PDE8B: variants seen among roughly 807,000 people sequenced by gnomAD.
PDE8B encodes the protein high affinity cAMP-specific and IBMX-insensitive 3',5'-cyclic phosphodiesterase 8B.
In PDE8B, 26 loss-of-function variants were observed where a neutral mutation model predicts 101.3. The observed-to-expected ratio is 0.26, with a 90% CI of 0.19 to 0.36. The LOEUF (loss-of-function observed/expected upper bound fraction) is 0.36, where lower values mean the gene tolerates loss of function less well. Among genes scored for constraint, PDE8B ranks in the 10% least tolerant of loss-of-function variants. The pLI, the probability that PDE8B is intolerant of heterozygous loss-of-function variation, is 1.00. For synonymous variants in PDE8B, 424 were observed against 429.3 expected (o/e 0.99, Z 0.15); for missense variants, 810 against 1,163.1 (o/e 0.70, Z 4.42).
chr5:77,193,555 G>A, the PDE8B span, among the ~76,000 whole-genome samples: 30 of 152,034 alleles, frequency 2.0e-4, no homozygotes, highest in Admixed American at 4.6e-4. Flanking sequence ...TGCCAATACC[G>A]CTCTGTATTG....
intron 1 of PDE8B, among the ~76,000 whole-genome samples, chr5:77,236,794 A>G (rs1049240232): frequency 1.3e-5 from 2 of 152,204 alleles, no homozygotes; most frequent in East Asian, 1.9e-4. Context: ...TATAATGTCA[A>G]TTTAGTTCAG....
At chr5:77,202,505 A>C in the PDE8B span, among the ~76,000 whole-genome samples, 4 of 152,212 alleles carry the variant, frequency 2.6e-5, no homozygotes, top group Admixed American at 2.0e-4. Flanking sequence ...GTTTTTCTTA[A>C]TAACATTTTC....
intron 10 of PDE8B, among the ~76,000 whole-genome samples, chr5:77,393,319 G>A (rs552359158): frequency 3.2e-4 from 49 of 151,930 alleles, no homozygotes; most frequent in Admixed American, 1.9e-3. Flanking sequence ...GTTTGGACCC[G>A]GGAGGCAGAA....
chr5:77,423,595 A>G (rs1221215180), intron 20 of PDE8B, among the ~76,000 whole-genome samples: 1 of 136,214 alleles, frequency 7.3e-6, no homozygotes, highest in Non-Finnish European at 1.6e-5. Flanking sequence ...TTTGATTTGC[A>G]TGTCTGATTA....
At chr5:77,175,368 C>T in the PDE8B span, among the ~76,000 whole-genome samples, 1 of 152,206 alleles carries the variant, frequency 6.6e-6, no homozygotes, top group Non-Finnish European at 1.5e-5. Flanking sequence ...TTGTCACTTC[C>T]TTGAACTCAC....
chr5:77,132,526 T>G, the PDE8B span, among the ~76,000 whole-genome samples: 2 of 152,222 alleles, frequency 1.3e-5, no homozygotes, highest in Non-Finnish European at 2.9e-5. Context: ...TTGCTTAGTT[T>G]TCCATTTTAC....
At chr5:77,248,944 A>G (rs1580566823) in intron 1 of PDE8B, among the ~76,000 whole-genome samples, 1 of 152,206 alleles carries the variant, frequency 6.6e-6, no homozygotes, top group South Asian at 2.1e-4. Context: ...GTAAGCCAGC[A>G]AGAGAGCCCT....
rs1798478485 is a variant in PDE8B at position 77,428,178 on chromosome 5, TA to T, written c.*1627del. Reference sequence around the variant, plus strand: ...AATGTTTTTGTGAAGTACTTGTAACTAAATTCCTACAGCCATTTTTCACTCC... The same window carrying T: ...AATGTTTTTGTGAAGTACTTGTAACTAATTCCTACAGCCATTTTTCACTCC... On this transcript the variant is annotated 3_prime_UTR_variant, in exon 22 of 22. Transcript: ENST00000264917. 1 of 152,250 alleles carries T rather than the reference TA, an allele frequency of 6.6e-6. No individual in the cohort carries two copies. The highest frequency in any genetic ancestry group is 1.9e-4 in the East Asian group (1 of 5,208). 9.4% of individuals were successfully genotyped at this position (152,250 alleles called of 1,614,324 possible).
At chr5:77,351,007 G>T in intron 8 of PDE8B, 58 bp from the exon 9 acceptor site, 1 of 1,234,966 alleles carries the variant, frequency 8.1e-7, no homozygotes, top group Non-Finnish European at 1.2e-6. Context: ...GAGACCCTCT[G>T]CAGGAGCAGC....
intron 1 of PDE8B, among the ~76,000 whole-genome samples, chr5:77,256,134 C>T (rs1759121105): frequency 6.6e-6 from 1 of 152,080 alleles, no homozygotes; most frequent in Non-Finnish European, 1.5e-5. Context: ...AACTTTTTTC[C>T]AAACTGTAAA....
At chr5:77,303,441 A>T (rs367545664) in intron 1 of PDE8B, among the ~76,000 whole-genome samples, 4 of 152,224 alleles carry the variant, frequency 2.6e-5, no homozygotes, top group Middle Eastern at 3.4e-3. Context: ...ACAAAAAATT[A>T]GCCTGTAATC....
intron 10 of PDE8B, among the ~76,000 whole-genome samples, chr5:77,386,065 G>A (rs1413276253): frequency 6.6e-6 from 1 of 152,186 alleles, no homozygotes; most frequent in Non-Finnish European, 1.5e-5. Context: ...GGGATTACAG[G>A]CATGAGCCAC....
At chr5:77,373,092 C>T (rs1401890663) in intron 10 of PDE8B, among the ~76,000 whole-genome samples, 1 of 151,414 alleles carries the variant, frequency 6.6e-6, no homozygotes, top group East Asian at 1.9e-4. Context: ...TTTGTGTCCT[C>T]TCTCTTTTTT....
chr5:77,339,911 ATAACT>A (rs970875705), intron 6 of PDE8B, among the ~76,000 whole-genome samples: 3 of 152,310 alleles, frequency 2.0e-5, no homozygotes, highest in African/African-American at 7.2e-5. Context: ...ATTATATAAA[ATAACT>A]TAAAGATATA....
chr5:77,421,779 C>T (rs769050254), intron 19 of PDE8B, 42 bp from the exon 20 acceptor site: 22 of 1,601,976 alleles, frequency 1.4e-5, no homozygotes, highest in African/African-American at 5.3e-5. Context: ...TGGGCTTCAC[C>T]GTCATCTTGA....
At chr5:77,417,166 T>C (rs1169911326) in intron 17 of PDE8B, among the ~76,000 whole-genome samples, 1 of 152,186 alleles carries the variant, frequency 6.6e-6, no homozygotes, top group Non-Finnish European at 1.5e-5. Context: ...TTGCACTGGC[T>C]ACCTTTCAAG....
At chr5:77,259,634 A>G (rs944783311) in intron 1 of PDE8B, among the ~76,000 whole-genome samples, 3 of 151,852 alleles carry the variant, frequency 2.0e-5, no homozygotes, top group Non-Finnish European at 4.4e-5. Context: ...AGGAGGGGGA[A>G]CTCTGCAGCA....
At chr5:77,315,120 CTT>C (rs1773525833) in intron 2 of PDE8B, among the ~76,000 whole-genome samples, 1 of 152,066 alleles carries the variant, frequency 6.6e-6, no homozygotes, top group East Asian at 1.9e-4. Context: ...ATCCGTGGCT[CTT>C]TTATTCATTT....
intron 1 of PDE8B, among the ~76,000 whole-genome samples, chr5:77,247,687 C>T (rs1357687106): frequency 6.6e-6 from 1 of 152,140 alleles, no homozygotes; most frequent in Admixed American, 6.5e-5. Flanking sequence ...GTCACCACAG[C>T]AGTCAGCAAA....
Sources: gnomAD v4.1 joint callset for allele counts (sites outside exome capture counted in the v4.1 genomes callset) on GRCh38, gnomAD v4.1.1 for gene constraint, MANE v1.5 for transcripts, NCBI Gene and HGNC (gene_info 2026-07-23, HGNC 2026-07-21) for gene names.